CSGALNACT1: variants seen among roughly 807,000 people sequenced by gnomAD.
The protein encoded by CSGALNACT1 is chondroitin sulfate N-acetylgalactosaminyltransferase 1.
A neutral mutation model predicts 51.0 loss-of-function variants in CSGALNACT1; 52 were observed. The ratio of observed to expected loss-of-function variants is 1.02; its 90% CI spans 0.82 to 1.29. The LOEUF is 1.29. CSGALNACT1 is among the 50% of genes most tolerant of loss of function. The pLI is 0.00. For missense variants in CSGALNACT1, 935 were observed against 679.2 expected (o/e 1.38, Z -4.19); for synonymous variants, 341 against 254.4 (o/e 1.34, Z -3.24).
chr8:19,689,140 A>G (rs1254921134), intron 1 of CSGALNACT1, among the ~76,000 whole-genome samples: 1 of 152,184 alleles, frequency 6.6e-6, no homozygotes, highest in Non-Finnish European at 1.5e-5. Flanking sequence ...AATCTGGGCC[A>G]AGGAGTACAG....
intron 3 of CSGALNACT1, among the ~76,000 whole-genome samples, chr8:19,546,367 A>G (rs2154076972): frequency 6.6e-6 from 1 of 152,248 alleles, no homozygotes. Flanking sequence ...CCCATCTGTC[A>G]ATCTTATTCC....
chr8:19,553,620 C>CATACATATATATATATATAT (rs1386703624), intron 3 of CSGALNACT1, among the ~76,000 whole-genome samples: 31 of 71,562 alleles, frequency 4.3e-4, no homozygotes, highest in African/African-American at 2.6e-3. Flanking sequence ...TATATAAATA[C>CATACATATATATATATATAT]ATATATATAT....
At chr8:19,439,974 C>G (rs1563403582) in intron 5 of CSGALNACT1, 43 bp from the exon 5 acceptor site, 1 of 1,487,262 alleles carries the variant, frequency 6.7e-7, no homozygotes, top group Non-Finnish European at 9.4e-7. Context: ...TGTTTTCACA[C>G]TGACAGGCAC....
intron 4 of CSGALNACT1, among the ~76,000 whole-genome samples, chr8:19,500,630 G>C (rs930140947): frequency 3.3e-5 from 5 of 152,170 alleles, no homozygotes; most frequent in Admixed American, 2.6e-4. Context: ...GTGATACACC[G>C]ACAAGTGAAG....
At chr8:19,592,787 A>C (rs530005050) in intron 2 of CSGALNACT1, among the ~76,000 whole-genome samples, 3 of 152,136 alleles carry the variant, frequency 2.0e-5, no homozygotes, top group Non-Finnish European at 4.4e-5. Flanking sequence ...AAAAAAATTT[A>C]AAAAAAGGGA....
intron 1 of CSGALNACT1, among the ~76,000 whole-genome samples, chr8:19,700,097 G>T (rs1269088035): frequency 1.4e-5 from 2 of 140,726 alleles, no homozygotes; most frequent in Non-Finnish European, 3.0e-5. Context: ...GGGTAACAGA[G>T]TGAGACTCCG....
chr8:19,515,589 A>C (rs1218883810), intron 3 of CSGALNACT1, among the ~76,000 whole-genome samples: 1 of 152,246 alleles, frequency 6.6e-6, no homozygotes, highest in Non-Finnish European at 1.5e-5. Flanking sequence ...TTCTGATTCA[A>C]TTTCCCTGCC....
chr8:19,545,883 A>G (rs2086351444), intron 3 of CSGALNACT1, among the ~76,000 whole-genome samples: 1 of 148,888 alleles, frequency 6.7e-6, no homozygotes, highest in Non-Finnish European at 1.5e-5. Context: ...GTTATATGCT[A>G]TATGTGTATA....
At chr8:19,577,125 C>T (rs1255786549) in intron 3 of CSGALNACT1, among the ~76,000 whole-genome samples, 7 of 152,138 alleles carry the variant, frequency 4.6e-5, no homozygotes, top group East Asian at 1.9e-4. Context: ...TCTTATGTGT[C>T]GTTCATCAAA....
intron 4 of CSGALNACT1, among the ~76,000 whole-genome samples, chr8:19,481,132 T>C (rs1057447795): frequency 6.6e-6 from 1 of 152,198 alleles, no homozygotes; most frequent in African/African-American, 2.4e-5. Flanking sequence ...CCAGTTCTTA[T>C]GTGCGGCTAA....
At chr8:19,601,937 T>C (rs1012954852) in intron 1 of CSGALNACT1, 72 bp from the exon 2 acceptor site, 1 of 448,526 alleles carries the variant, frequency 2.2e-6, no homozygotes, top group South Asian at 1.6e-5. Flanking sequence ...TATTACAAAA[T>C]GGGAACATTT....
intron 1 of CSGALNACT1, among the ~76,000 whole-genome samples, chr8:19,726,185 A>C (rs1297595589): frequency 5.9e-5 from 9 of 152,354 alleles, no homozygotes; most frequent in African/African-American, 2.2e-4. Context: ...TGGATAAAAA[A>C]GTTATTGTAA....
intron 3 of CSGALNACT1, among the ~76,000 whole-genome samples, chr8:19,525,575 C>G (rs1362256081): frequency 7.9e-6 from 1 of 126,160 alleles, no homozygotes; most frequent in African/African-American, 3.1e-5. Flanking sequence ...TGAGATCATG[C>G]CACTGCATGC....
intron 1 of CSGALNACT1, among the ~76,000 whole-genome samples, chr8:19,671,356 G>A (rs1406818472): frequency 3.9e-5 from 6 of 152,086 alleles, no homozygotes; most frequent in Non-Finnish European, 7.4e-5. Flanking sequence ...AGGTGTACAC[G>A]ACAAATTCAC....
chr8:19,753,378 C>T lies in CSGALNACT1; in HGVS notation c.-297+4472G>A, dbSNP rs74696373. On this transcript the variant is annotated intron_variant, in intron 1 of 1. Coordinates refer to the CSGALNACT1 transcript ENST00000517494. ...TTTAAAAAAAACCAGATTGTCTTAC[C>T]GTAAAATCCTGCCATGTAAATATCA... Among the ~76,000 whole-genome samples, 81 of 152,170 alleles carry T rather than the reference C, an allele frequency of 5.3e-4. 1 individual carries two copies. The East Asian group carries it at 0.013, about 24-fold the overall frequency.
intron 1 of CSGALNACT1, among the ~76,000 whole-genome samples, chr8:19,665,170 C>A (rs779922729): frequency 6.6e-6 from 1 of 152,140 alleles, no homozygotes; most frequent in Non-Finnish European, 1.5e-5. Flanking sequence ...TGTGCCACCA[C>A]GCTTGGCTAA....
chr8:19,496,434 G>A (rs776238539), intron 4 of CSGALNACT1, among the ~76,000 whole-genome samples: 1 of 152,202 alleles, frequency 6.6e-6, no homozygotes, highest in Non-Finnish European at 1.5e-5. Flanking sequence ...GTTGGAACTA[G>A]GTTGTGAGGT....
intron 1 of CSGALNACT1, among the ~76,000 whole-genome samples, chr8:19,658,559 C>T (rs2058491051): frequency 6.6e-6 from 1 of 152,098 alleles, no homozygotes; most frequent in Non-Finnish European, 1.5e-5. Flanking sequence ...CATGGAGAAA[C>T]CCCATCTCTA....
intron 1 of CSGALNACT1, among the ~76,000 whole-genome samples, chr8:19,711,901 C>G (rs1454787014): frequency 6.6e-6 from 1 of 152,192 alleles, no homozygotes; most frequent in Non-Finnish European, 1.5e-5. Flanking sequence ...ATCTTAATAT[C>G]TTATCTCATT....
Sources: allele counts gnomAD v4.1 joint callset (sites outside exome capture counted in the v4.1 genomes callset), GRCh38; gene constraint gnomAD v4.1.1; transcripts MANE v1.5; gene names NCBI Gene and HGNC (gene_info 2026-07-23, HGNC 2026-07-21).